The following KLHL12 variants were observed in gnomAD, a reference collection of about 807,000 sequenced individuals.
The protein encoded by KLHL12 is kelch-like protein 12.
A neutral mutation model predicts 60.8 loss-of-function variants in KLHL12; 17 were observed. The ratio of observed to expected loss-of-function variants is 0.28; its 90% CI spans 0.19 to 0.42. The LOEUF (loss-of-function observed/expected upper bound fraction) is 0.42, where lower values mean the gene tolerates loss of function less well. Among genes scored for constraint, KLHL12 ranks in the 10% least tolerant of loss-of-function variants. The pLI, the probability that KLHL12 is intolerant of heterozygous loss-of-function variation, is 1.00. For missense variants in KLHL12, 468 were observed against 722.3 expected, an observed-to-expected ratio of 0.65 and a Z score of 4.04; for synonymous variants, 220 against 250.9, an observed-to-expected ratio of 0.88 and a Z score of 1.16.
In KLHL12 at chr1:202,927,178, G is replaced by T. The variant is rs1653620663; in HGVS notation, c.-135C>A. The T allele has an allele frequency of 1.4e-5, 14 of 985,224 alleles. No homozygotes were observed. Among genetic ancestry groups the T allele is most frequent in the Non-Finnish European group, 1.6e-5 (13 of 829,888 alleles). 61.0% of individuals were successfully genotyped at this position (985,224 alleles called of 1,614,324 possible). ...GCGGGGCTAGCAGGCGGCTCGGGAG[G>T]AGCCGAAGCGCCGCCCAGACCCGGA... On this transcript the variant is annotated 5_prime_UTR_variant, in exon 1 of 12. Coordinates refer to ENST00000367261, the MANE Select transcript of KLHL12 (RefSeq NM_021633.4).
intron 4 of KLHL12, among the ~76,000 whole-genome samples, chr1:202,913,482 C>T (rs1443806128): frequency 2.0e-5 from 3 of 152,238 alleles, no homozygotes; most frequent in East Asian, 1.9e-4. Context: ...AACTGCCAGG[C>T]ACTGTCCTGG....
chr1:202,916,719 T>C (rs1415409003), intron 4 of KLHL12, among the ~76,000 whole-genome samples: 1 of 152,172 alleles, frequency 6.6e-6, no homozygotes, highest in African/African-American at 2.4e-5. Context: ...GGAAGTATAT[T>C]AGAGGCTTTC....
Position 202,924,892 on chromosome 1 carries a change from C to T in KLHL12, c.195+76G>A, listed in dbSNP as rs1250223201. 12 of 1,511,540 alleles carry T rather than the reference C, an allele frequency of 7.9e-6. No individual in the cohort carries two copies. The African/African-American group carries it at 9.8e-5, about 12-fold the overall frequency. 93.6% of individuals were successfully genotyped at this position (1,511,540 alleles called of 1,614,324 possible). Reference sequence around the variant, plus strand: ...AAAAATTCAAAATTATATCAAACTTCCACTATTTTATTCAGTGAAATTAGA... The same window carrying T: ...AAAAATTCAAAATTATATCAAACTTTCACTATTTTATTCAGTGAAATTAGA... On this transcript the variant is annotated intron_variant, in intron 2 of 11. Transcript: ENST00000367261.
At chr1:202,908,381 A>T (rs1660259448) in intron 6 of KLHL12, among the ~76,000 whole-genome samples, 2 of 152,200 alleles carry the variant, frequency 1.3e-5, no homozygotes, top group South Asian at 4.1e-4. Flanking sequence ...ATGTGCCAAG[A>T]AGTGTTTTAA....
chr1:202,923,704 A>G (rs1653342064), intron 2 of KLHL12, among the ~76,000 whole-genome samples: 1 of 152,194 alleles, frequency 6.6e-6, no homozygotes, highest in African/African-American at 2.4e-5. Context: ...TCATTTGTAA[A>G]ATGAGATGGT....
At chr1:202,896,278 C>G (rs1271303565) in intron 7 of KLHL12, among the ~76,000 whole-genome samples, 1 of 152,150 alleles carries the variant, frequency 6.6e-6, no homozygotes, top group African/African-American at 2.4e-5. Context: ...CCTCGAACTC[C>G]TGGGCTCAAG....
chr1:202,920,042 G>C, intron 2 of KLHL12, 134 bp from the exon 3 acceptor site: 1 of 799,540 alleles, frequency 1.3e-6, no homozygotes, highest in South Asian at 1.8e-5. Flanking sequence ...GGCCAGGCGT[G>C]GTGGCTCATG....
At position 202,917,553 on chromosome 1, in the gene KLHL12, C is replaced by T. The variant is rs114648613; in HGVS notation, c.567+618G>A. On this transcript the variant is annotated intron_variant, in intron 4 of 11. Transcript: ENST00000367261. Reference sequence around the variant, plus strand: ...CAGTTCATGTGTCCCTCCCTTCCAACCGCTGCATCCTCACAAGACAGTTAT... The same window carrying T: ...CAGTTCATGTGTCCCTCCCTTCCAATCGCTGCATCCTCACAAGACAGTTAT... Among the ~76,000 whole-genome samples, 661 of 152,336 alleles carry T rather than the reference C, an allele frequency of 4.3e-3. 3 individuals are homozygous for T. The highest frequency in any genetic ancestry group is 0.015 in the African/African-American group (636 of 41,570).
chr1:202,905,968 C>CTTTTTTTTT (rs71142574), intron 6 of KLHL12, among the ~76,000 whole-genome samples: 588 of 51,704 alleles, frequency 0.011, 1 homozygote, highest in African/African-American at 0.019. Flanking sequence ...CCACACCTGG[C>CTTTTTTTTT]TTTTTTTTTT....
chr1:202,900,209 A>G (rs981166041), intron 6 of KLHL12, among the ~76,000 whole-genome samples: 4 of 151,844 alleles, frequency 2.6e-5, no homozygotes, highest in African/African-American at 9.7e-5. Flanking sequence ...TGCTTTATAT[A>G]ACTCCCTGCC....
At chr1:202,900,171 C>G (rs1023166800) in intron 6 of KLHL12, among the ~76,000 whole-genome samples, 2 of 152,066 alleles carry the variant, frequency 1.3e-5, no homozygotes, top group Admixed American at 1.3e-4. Context: ...TTAAAGTTTT[C>G]TATTGATTTT....
chr1:202,919,995 AAT>A (rs1660637065), intron 2 of KLHL12, 87 bp from the exon 3 acceptor site: 1 of 1,151,398 alleles, frequency 8.7e-7, no homozygotes, highest in Non-Finnish European at 1.3e-6. Context: ...TAGAGATGTT[AAT>A]AATATTAATT....
rs900388672 is a variant in KLHL12, at chr1:202,917,559, C to T, written c.567+612G>A. ...ATGTGTCCCTCCCTTCCAACCGCTG[C>T]ATCCTCACAAGACAGTTATGATTTG... On this transcript the variant is annotated intron_variant, in intron 4 of 11. Transcript: ENST00000367261. Among the ~76,000 whole-genome samples, 4 of 152,322 alleles carry T rather than the reference C, an allele frequency of 2.6e-5. No individual in the cohort carries two copies. In the South Asian group the frequency reaches 6.2e-4, roughly 24 times the overall value.
intron 4 of KLHL12, chr1:202,914,888 A>C (rs943855013): frequency 6.6e-6 from 1 of 151,916 alleles, no homozygotes; most frequent in Non-Finnish European, 1.5e-5. Flanking sequence ...AAAAAAGACT[A>C]ATCACATGAA....
At chr1:202,919,935 T>C in intron 2 of KLHL12, 27 bp from the exon 3 acceptor site, 1 of 1,592,928 alleles carries the variant, frequency 6.3e-7, no homozygotes. Context: ...TATAAAAGAA[T>C]GATGGTTATA....
At chr1:202,916,502 G>T (rs1009471166) in intron 4 of KLHL12, among the ~76,000 whole-genome samples, 3 of 152,168 alleles carry the variant, frequency 2.0e-5, no homozygotes, top group African/African-American at 7.2e-5. Flanking sequence ...AAAATTAGCT[G>T]GTGTAGTGGT....
At chr1:202,919,989 G>A (rs1660636712) in intron 2 of KLHL12, 81 bp from the exon 3 acceptor site, 4 of 1,206,878 alleles carry the variant, frequency 3.3e-6, no homozygotes, top group Non-Finnish European at 4.8e-6. Flanking sequence ...AGAGCTTAGA[G>A]ATGTTAATAA....
intron 6 of KLHL12, among the ~76,000 whole-genome samples, chr1:202,908,568 T>C (rs918355671): frequency 6.6e-6 from 1 of 152,168 alleles, no homozygotes; most frequent in Non-Finnish European, 1.5e-5. Flanking sequence ...CCAAAACCCA[T>C]GTACTTTCTA....
At chr1:202,901,639 C>T (rs1660010494) in intron 6 of KLHL12, among the ~76,000 whole-genome samples, 1 of 151,928 alleles carries the variant, frequency 6.6e-6, no homozygotes, top group Admixed American at 6.6e-5. Context: ...TGGGATCCTT[C>T]GATCACTGAT....
Sources: allele counts gnomAD v4.1 joint callset (sites outside exome capture counted in the v4.1 genomes callset), GRCh38; gene constraint gnomAD v4.1.1; transcripts MANE v1.5; gene names NCBI Gene and HGNC (gene_info 2026-07-23, HGNC 2026-07-21).